Variants in NOMO1 observed in about 807,000 individuals in gnomAD.
NOMO1 encodes the protein nodal modulator 3.
Under a neutral mutation model 133.8 loss-of-function variants are expected in NOMO1, and 40 were observed. That is an observed-to-expected ratio of 0.30 (90% CI 0.23 to 0.39). The LOEUF (loss-of-function observed/expected upper bound fraction) is 0.39. NOMO1 is among the 10% of genes least tolerant of loss of function. The pLI is 1.00. For synonymous variants in NOMO1, 236 were observed against 570.5 expected, an observed-to-expected ratio of 0.41 and a Z score of 8.36; for missense variants, 462 against 1,419.9, an observed-to-expected ratio of 0.33 and a Z score of 10.84.
chr16:14,861,353 G>T (rs1483963643), intron 11 of NOMO1, among the ~76,000 whole-genome samples: 1 of 151,708 alleles, frequency 6.6e-6, no homozygotes, highest in Non-Finnish European at 1.5e-5. Flanking sequence ...CACCCTTTTG[G>T]TTTATTTTTC....
chr16:14,849,896 CTTTTTT>C (rs1171906105), intron 6 of NOMO1, among the ~76,000 whole-genome samples: 3 of 87,932 alleles, frequency 3.4e-5, no homozygotes, highest in South Asian at 7.3e-4. Context: ...CAGATACAGT[CTTTTTT>C]TTTTTTTTTT....
At chr16:14,864,792 G>C in intron 13 of NOMO1, 66 bp downstream of exon 13, 1 of 1,612,928 alleles carries the variant, frequency 6.2e-7, no homozygotes, top group Non-Finnish European at 8.5e-7. Flanking sequence ...AGTGGGATTT[G>C]GGAAACTTTT....
intron 27 of NOMO1, among the ~76,000 whole-genome samples, chr16:14,885,110 C>G (rs1205905130): frequency 1.3e-5 from 2 of 152,068 alleles, no homozygotes; most frequent in Non-Finnish European, 2.9e-5. Flanking sequence ...TCACAGGACT[C>G]ATAACGAAGA....
At chr16:14,894,229 C>G (rs1964447000) in intron 29 of NOMO1, among the ~76,000 whole-genome samples, 1 of 152,102 alleles carries the variant, frequency 6.6e-6, no homozygotes, top group Non-Finnish European at 1.5e-5. Flanking sequence ...CAGGCCCCTT[C>G]TGTCTCATTG....
intron 1 of NOMO1, among the ~76,000 whole-genome samples, chr16:14,837,201 G>A (rs1238733103): frequency 1.3e-5 from 2 of 151,732 alleles, no homozygotes; most frequent in Non-Finnish European, 2.9e-5. Context: ...TTCTAGTAGG[G>A]ATGAGGTGTG....
intron 29 of NOMO1, among the ~76,000 whole-genome samples, chr16:14,892,827 A>C (rs1449963747): frequency 2.0e-5 from 3 of 148,614 alleles, no homozygotes; most frequent in African/African-American, 7.4e-5. Flanking sequence ...ACCAGGACTC[A>C]AGTGAGGCGG....
chr16:14,887,470 T>A (rs1964343229), intron 28 of NOMO1, among the ~76,000 whole-genome samples: 1 of 151,886 alleles, frequency 6.6e-6, no homozygotes, highest in Non-Finnish European at 1.5e-5. Context: ...ATTCTTTTTT[T>A]TTTTTATTTT....
At chr16:14,857,124 A>G (rs1421021487) in intron 9 of NOMO1, 93 bp from the exon 10 acceptor site, 1 of 1,565,422 alleles carries the variant, frequency 6.4e-7, no homozygotes, top group Non-Finnish European at 8.8e-7. Flanking sequence ...AGGAGCAGAC[A>G]TGGTAGGTGG....
chr16:14,886,665 C>T, intron 27 of NOMO1, 96 bp from the exon 28 acceptor site: 1 of 1,605,118 alleles, frequency 6.2e-7, no homozygotes, highest in African/African-American at 1.3e-5. Flanking sequence ...TTTCCAAAGA[C>T]ACCCACCCAG....
chr16:14,855,422 C>A (rs1963819282), intron 9 of NOMO1, among the ~76,000 whole-genome samples: 1 of 151,568 alleles, frequency 6.6e-6, no homozygotes, highest in Admixed American at 6.6e-5. Context: ...CTAAGTGGAC[C>A]ACCCAATGTT....
chr16:14,835,109 C>T (rs1041626516), intron 1 of NOMO1, among the ~76,000 whole-genome samples: 3 of 125,378 alleles, frequency 2.4e-5, no homozygotes, highest in Non-Finnish European at 3.4e-5. Context: ...CAGTTCCACA[C>T]CCCACCAGCT....
intron 2 of NOMO1, 50 bp downstream of exon 2, chr16:14,838,546 C>T (rs749770382): frequency 1.9e-5 from 30 of 1,611,670 alleles, no homozygotes; most frequent in Non-Finnish European, 2.2e-5. Context: ...TAGTGTGCCT[C>T]ACCAGGCTGC....
intron 12 of NOMO1, among the ~76,000 whole-genome samples, 166 bp from the exon 13 acceptor site, chr16:14,864,419 C>G (rs1331177104): frequency 6.6e-6 from 1 of 152,010 alleles, no homozygotes; most frequent in Non-Finnish European, 1.5e-5. Flanking sequence ...TTACTTCACA[C>G]AAGTTATTCG....
intron 6 of NOMO1, among the ~76,000 whole-genome samples, chr16:14,851,435 T>C (rs1025423744): frequency 1.4e-4 from 21 of 149,310 alleles, no homozygotes; most frequent in African/African-American, 5.2e-4. Context: ...TATACACATA[T>C]TGTGAAAAGA....
At chr16:14,885,729 G>A (rs1459656205) in intron 27 of NOMO1, among the ~76,000 whole-genome samples, 1 of 151,834 alleles carries the variant, frequency 6.6e-6, no homozygotes. Context: ...AGGCAGAGAG[G>A]AGGGGAGGGC....
rs371466223 is a variant in NOMO1, at chr16:14,875,409, C to T, written c.2343C>T (p.Ala781=). Residue 781 remains alanine (A), a synonymous_variant, in exon 20 of 31, where the codon GCC becomes GCT. Transcript: ENST00000287667. ...TCTTTTATCCCCCTTCAATGGAAGCCGTTGTCAGTGGAGGTAAATGTCAAC... is the reference window on the plus strand; with the variant it reads ...TCTTTTATCCCCCTTCAATGGAAGCTGTTGTCAGTGGAGGTAAATGTCAAC... ...ELLFYPPSME[A]VVSGESCPGK... 12 of 1,526,982 alleles carry T rather than the reference C, an allele frequency of 7.9e-6. No individual in the cohort carries two copies. Among genetic ancestry groups the T allele is most frequent in the African/African-American group, 2.8e-5 (2 of 72,478 alleles). 94.6% of individuals were successfully genotyped at this position (1,526,982 alleles called of 1,614,324 possible).
chr16:14,874,041 GGGTC>G, intron 18 of NOMO1, among the ~76,000 whole-genome samples: 1 of 42,210 alleles, frequency 2.4e-5, no homozygotes, highest in Non-Finnish European at 1.0e-4. Context: ...CCCCCCTCTG[GGGTC>G]ACTGTAGCAG....
intron 16 of NOMO1, among the ~76,000 whole-genome samples, chr16:14,870,164 C>T (rs1597106252): frequency 1.3e-5 from 2 of 149,718 alleles, no homozygotes; most frequent in East Asian, 4.0e-4. Flanking sequence ...ACAGCAGTGC[C>T]ATTGGCAAGT....
chr16:14,867,140 A>T (rs1964008162), intron 15 of NOMO1, among the ~76,000 whole-genome samples: 4 of 48,216 alleles, frequency 8.3e-5, no homozygotes, highest in East Asian at 5.0e-4. Context: ...CTGCCAAGTG[A>T]GTTTCTCTGA....
Sources: gnomAD v4.1 joint callset for allele counts (sites outside exome capture counted in the v4.1 genomes callset) on GRCh38, gnomAD v4.1.1 for gene constraint, MANE v1.5 for transcripts, NCBI Gene and HGNC (gene_info 2026-07-23, HGNC 2026-07-21) for gene names.